The following MTUS2 variants were observed in gnomAD, a reference collection of about 807,000 sequenced individuals.
The protein encoded by MTUS2 is microtubule associated scaffold protein 2, also known as microtubule-associated tumor suppressor candidate 2.
Under a neutral mutation model 114.1 loss-of-function variants are expected in MTUS2, and 40 were observed. The observed-to-expected ratio is 0.35, with a 90% CI of 0.27 to 0.46. The LOEUF is 0.46. Ranked by LOEUF, MTUS2 falls within the 20% of genes least tolerant of loss-of-function variation. The pLI is 1.00. For synonymous variants in MTUS2, 688 were observed against 672.0 expected (o/e 1.02, Z -0.37); for missense variants, 1,679 against 1,705.4 (o/e 0.98, Z 0.27).
chr13:29,171,171 T>C (rs1043750472), intron 5 of MTUS2, among the ~76,000 whole-genome samples: 3 of 151,962 alleles, frequency 2.0e-5, no homozygotes, highest in Non-Finnish European at 4.4e-5. Context: ...TGTGTGTGTG[T>C]TGGGTGGGTA....
chr13:29,460,629 T>C (rs910855273), intron 9 of MTUS2, among the ~76,000 whole-genome samples: 1 of 152,188 alleles, frequency 6.6e-6, no homozygotes, highest in Non-Finnish European at 1.5e-5. Context: ...CCAGCAACAA[T>C]GAGTTTATGA....
In MTUS2 at chr13:29,083,071, C is replaced by T. The variant is rs1889517877; in HGVS notation, c.2447-17702C>T. On this transcript the variant is annotated intron_variant, in intron 4 of 15. Coordinates refer to ENST00000612955, the MANE Select transcript of MTUS2 (RefSeq NM_001033602.4). ...TGAACCCAAAAAAGCCTAAAAGACC[C>T]TGGGCTTCCCTTACTATTTTTGGTG... 4.6e-5 allele frequency among the ~76,000 whole-genome samples: 7 copies of T among 152,264 alleles called. No individual in the cohort carries two copies. The South Asian group carries it at 1.5e-3, about 32-fold the overall frequency.
At chr13:28,823,690 A>G (rs1000075282) in intron 1 of MTUS2, among the ~76,000 whole-genome samples, 8 of 152,220 alleles carry the variant, frequency 5.3e-5, no homozygotes, top group African/African-American at 1.9e-4. Context: ...ACGGATTTGA[A>G]AACACTGTAG....
At chr13:29,295,133 TA>T (rs1293184532) in intron 6 of MTUS2, among the ~76,000 whole-genome samples, 1 of 152,014 alleles carries the variant, frequency 6.6e-6, no homozygotes, top group Non-Finnish European at 1.5e-5. Context: ...TTTTTTTTTT[TA>T]CTTTTATTAT....
At chr13:29,274,065 G>A (rs1566103922) in intron 5 of MTUS2, among the ~76,000 whole-genome samples, 1 of 152,106 alleles carries the variant, frequency 6.6e-6, no homozygotes, top group Non-Finnish European at 1.5e-5. Flanking sequence ...AAATCACATG[G>A]TAACTCTATG....
At chr13:28,859,234 C>T (rs1161089301) in intron 2 of MTUS2, among the ~76,000 whole-genome samples, 1 of 152,138 alleles carries the variant, frequency 6.6e-6, no homozygotes, top group Non-Finnish European at 1.5e-5. Context: ...GTTCAGTGGT[C>T]AGTACTACAG....
chr13:29,340,892 A>G (rs1000430540), intron 7 of MTUS2, among the ~76,000 whole-genome samples: 2 of 152,216 alleles, frequency 1.3e-5, no homozygotes, highest in African/African-American at 4.8e-5. Flanking sequence ...GAGTGAGAAC[A>G]TACAATGTTT....
intron 12 of MTUS2, among the ~76,000 whole-genome samples, chr13:29,494,116 T>C (rs1184915056): frequency 3.3e-5 from 5 of 152,242 alleles, no homozygotes; most frequent in Admixed American, 2.6e-4. Context: ...AACCTTAGTT[T>C]ACTCTTTAAA....
intron 8 of MTUS2, among the ~76,000 whole-genome samples, chr13:29,365,469 C>A (rs1870624684): frequency 7.1e-6 from 1 of 141,732 alleles, no homozygotes; most frequent in Non-Finnish European, 1.5e-5. Flanking sequence ...TTCAGCTCAT[C>A]TCACTTATGC....
intron 5 of MTUS2, among the ~76,000 whole-genome samples, chr13:29,206,060 C>A (rs1895172432): frequency 6.6e-6 from 1 of 152,094 alleles, no homozygotes; most frequent in African/African-American, 2.4e-5. Context: ...CACCACACTC[C>A]CACCAACTTC....
intron 8 of MTUS2, among the ~76,000 whole-genome samples, chr13:29,435,851 A>G (rs1418704790): frequency 6.6e-6 from 1 of 152,262 alleles, no homozygotes; most frequent in East Asian, 1.9e-4. Flanking sequence ...TCAGCGAGCC[A>G]GAGCAGAGCT....
chr13:29,009,109 T>A (rs1885726955), intron 2 of MTUS2, among the ~76,000 whole-genome samples: 1 of 152,024 alleles, frequency 6.6e-6, no homozygotes, highest in South Asian at 2.1e-4. Flanking sequence ...TCATATTTTT[T>A]ATTTCTATAA....
intron 8 of MTUS2, among the ~76,000 whole-genome samples, chr13:29,374,237 G>A (rs986141320): frequency 6.6e-6 from 1 of 152,146 alleles, no homozygotes; most frequent in Non-Finnish European, 1.5e-5. Context: ...TTTGTAATAG[G>A]CGTTCCAGAG....
chr13:29,472,456 A>T (rs1309314800), intron 9 of MTUS2, among the ~76,000 whole-genome samples: 1 of 152,202 alleles, frequency 6.6e-6, no homozygotes, highest in Non-Finnish European at 1.5e-5. Flanking sequence ...GCTGTGTTTC[A>T]TGCAACCCAC....
At chr13:29,143,369 C>T (rs545038172) in intron 5 of MTUS2, among the ~76,000 whole-genome samples, 24 of 152,238 alleles carry the variant, frequency 1.6e-4, no homozygotes, top group African/African-American at 5.3e-4. Flanking sequence ...ATTTGGTGCT[C>T]CATATATGTT....
intron 12 of MTUS2, among the ~76,000 whole-genome samples, chr13:29,495,914 A>ATGTG (rs59958046): frequency 5.1e-4 from 76 of 148,412 alleles, no homozygotes; most frequent in African/African-American, 1.6e-3. Flanking sequence ...CTCTCTTTAT[A>ATGTG]TGTGTGTGTG....
intron 2 of MTUS2, among the ~76,000 whole-genome samples, chr13:28,973,489 G>A (rs1883948745): frequency 6.6e-6 from 1 of 152,186 alleles, no homozygotes; most frequent in Non-Finnish European, 1.5e-5. Flanking sequence ...CTACTGTTGG[G>A]TCACAGGATA....
chr13:29,500,426 A>G (rs374084901), intron 14 of MTUS2, among the ~76,000 whole-genome samples: 2 of 152,336 alleles, frequency 1.3e-5, no homozygotes, highest in African/African-American at 4.8e-5. Flanking sequence ...TACTTCAGCT[A>G]GGTCTCAGGC....
chr13:28,967,156 G>A (rs1883633953), intron 2 of MTUS2, among the ~76,000 whole-genome samples: 1 of 152,204 alleles, frequency 6.6e-6, no homozygotes, highest in Non-Finnish European at 1.5e-5. Context: ...GCAGGGGGAG[G>A]AGTCATATGG....
Sources: allele counts gnomAD v4.1 joint callset (sites outside exome capture counted in the v4.1 genomes callset), GRCh38; gene constraint gnomAD v4.1.1; transcripts MANE v1.5; gene names NCBI Gene and HGNC (gene_info 2026-07-23, HGNC 2026-07-21).